Variants in CASP1 observed in about 807,000 individuals in gnomAD.
CASP1 encodes caspase-1.
In CASP1, 31 loss-of-function variants were observed where a neutral mutation model predicts 41.2. The observed-to-expected ratio is 0.75, with a 90% confidence interval of 0.57 to 1.02. The LOEUF (loss-of-function observed/expected upper bound fraction) is 1.02. CASP1 is among the 50% of genes least tolerant of loss of function. The pLI is 0.00. For missense variants in CASP1, 490 were observed against 495.7 expected, an observed-to-expected ratio of 0.99 and a Z score of 0.11; for synonymous variants, 163 against 166.5, an observed-to-expected ratio of 0.98 and a Z score of 0.16.
At chr11:105,027,202 T>C (rs1863362286) in intron 7 of CASP1, 1 of 609,152 alleles carries the variant, frequency 1.6e-6, no homozygotes, top group Non-Finnish European at 2.9e-6. Flanking sequence ...TAGACTCAGC[T>C]AGCTATACAG....
Position 105,026,101 on chromosome 11 carries a change from G to C in CASP1, c.*157C>G. ...GGCGCTCACACAGTGTTGGATTTTA[G>C]AGCATTTCAAAATTCAAATTTTTGG... On this transcript the variant is annotated 3_prime_UTR_variant, in exon 9 of 9. Transcript: ENST00000533400. 3.7e-6 allele frequency: 2 copies of C among 544,158 alleles called. No individual in the cohort carries two copies. The highest frequency in any genetic ancestry group is 3.2e-5 in the Admixed American group (1 of 31,290). 33.7% of individuals were successfully genotyped at this position (544,158 alleles called of 1,614,324 possible). A position where few individuals can be genotyped will look rare whatever the true frequency, so the allele number is the denominator to read the frequency against.
At chr11:105,026,589 T>C in intron 8 of CASP1, 1 of 601,136 alleles carries the variant, frequency 1.7e-6, no homozygotes. Flanking sequence ...CACAGGTAAA[T>C]TAGAGTCCAT....
In CASP1 at chr11:105,025,940, T is replaced by C. The variant is rs1210854061; in HGVS notation, c.*318A>G. ...TTGATTATCCCTTATCCAAAATGCA[T>C]GCTACCAGAAGTATTTCAAATTTCA... is the stretch of plus-strand genomic sequence containing the variant. On this transcript the variant is annotated 3_prime_UTR_variant, in exon 9 of 9. Coordinates refer to ENST00000533400, the MANE Select transcript of CASP1 (RefSeq NM_001257118.3). 1 of 244,628 alleles carries C rather than the reference T, an allele frequency of 4.1e-6. No individual in the cohort carries two copies. Among genetic ancestry groups the C allele is most frequent in the Non-Finnish European group, 8.0e-6 (1 of 125,214 alleles). The allele number at this position is 244,628 out of a possible 1,614,324, so 15.2% of individuals were successfully genotyped here.
chr11:105,029,546 C>T lies in CASP1; in HGVS notation c.862+119G>A. ...TTCACAGAAGCTGCATTCTTGAATA[C>T]TGACAGTATGTGTTCTTTGACATTA... On this transcript the variant is annotated intron_variant, in intron 6 of 8. Coordinates refer to ENST00000533400, the MANE Select transcript of CASP1 (RefSeq NM_001257118.3). 3 of 702,710 alleles carry T rather than the reference C, an allele frequency of 4.3e-6. No homozygotes were observed. In the South Asian group the frequency reaches 5.5e-5, roughly 13 times the overall value. The allele number at this position is 702,710 out of a possible 1,614,324, so 43.5% of individuals were successfully genotyped here. A position where few individuals can be genotyped will look rare whatever the true frequency, so the allele number is the denominator to read the frequency against.
chr11:105,033,397 C>A (rs1863816150), intron 2 of CASP1, among the ~76,000 whole-genome samples: 1 of 152,210 alleles, frequency 6.6e-6, no homozygotes, highest in African/African-American at 2.4e-5. Context: ...TTCCCTAACC[C>A]TTAGAACAGA....
chr11:105,033,237 G>A (rs1435193852), intron 2 of CASP1, 111 bp from the exon 3 acceptor site: 1 of 614,830 alleles, frequency 1.6e-6, no homozygotes. Flanking sequence ...CTGACTGACT[G>A]ACTGACATTA....
chr11:105,035,332 G>A, upstream of CASP1: 3 of 592,352 alleles, frequency 5.1e-6, no homozygotes, highest in Non-Finnish European at 9.0e-6. Flanking sequence ...GGGTAGGAGG[G>A]GAATGGGGCT....
intron 1 of CASP1, 37 bp downstream of exon 1, chr11:105,035,070 T>A: frequency 6.2e-7 from 1 of 1,612,338 alleles, no homozygotes; most frequent in South Asian, 1.1e-5. Context: ...AACTCTTTCT[T>A]CCCAGGGACC....
upstream of CASP1, chr11:105,035,375 T>TAC: frequency 2.0e-6 from 1 of 493,096 alleles, no homozygotes; most frequent in Non-Finnish European, 3.7e-6. Context: ...AAAGTATGTG[T>TAC]ACAATTAAAT....
rs368142393 is a variant in CASP1, at chr11:105,029,106, T to G, written c.1006+18A>C. On this transcript the variant is annotated intron_variant, in intron 7 of 8. Transcript: ENST00000533400. ...ATTGATAGCCCCAACAAAGATGTCCTGTGTAGAAACCTGTTACCTGGTGTG... is the reference window on the plus strand; with the variant it reads ...ATTGATAGCCCCAACAAAGATGTCCGGTGTAGAAACCTGTTACCTGGTGTG... 8.7e-6 allele frequency: 14 copies of G among 1,608,700 alleles called. No homozygotes were observed. In the South Asian group the frequency reaches 1.4e-4, roughly 17 times the overall value.
At chr11:105,029,361 G>T (rs570500675) in intron 6 of CASP1, 94 bp from the exon 7 acceptor site, 2 of 1,055,470 alleles carry the variant, frequency 1.9e-6, no homozygotes, top group Non-Finnish European at 1.4e-6. Context: ...TAATGTGTTT[G>T]CTCTATCATT....
chr11:105,026,759 C>T, intron 8 of CASP1, 83 bp downstream of exon 8: 3 of 793,190 alleles, frequency 3.8e-6, no homozygotes, highest in Non-Finnish European at 6.7e-6. Flanking sequence ...ATAAACTTGT[C>T]TGGATCTGCT....
At chr11:105,033,383 A>T (rs1863815397) in intron 2 of CASP1, among the ~76,000 whole-genome samples, 1 of 152,222 alleles carries the variant, frequency 6.6e-6, no homozygotes, top group Non-Finnish European at 1.5e-5. Flanking sequence ...GACAGGCATA[A>T]GCTTTCCCTA....
chr11:105,035,080 C>G, intron 1 of CASP1, 27 bp downstream of exon 1: 1 of 1,612,712 alleles, frequency 6.2e-7, no homozygotes, highest in South Asian at 1.1e-5. Context: ...TCCCAGGGAC[C>G]TGTTCTTGGA....
rs1188537837 is a variant in CASP1 at position 105,026,214 on chromosome 11, A to G, written c.*44T>C. 5.5e-6 allele frequency: 7 copies of G among 1,273,824 alleles called. No homozygotes were observed. In the Admixed American group the frequency reaches 1.2e-4, roughly 22 times the overall value. 78.9% of individuals were successfully genotyped at this position (1,273,824 alleles called of 1,614,324 possible). The stretch of plus-strand genomic sequence containing the variant: ...CCTCAACCTTCCCACACTCCCGACC[A>G]TACACATGTACCTGCCCACAGACAT... On this transcript the variant is annotated 3_prime_UTR_variant, in exon 9 of 9. Coordinates refer to ENST00000533400, the MANE Select transcript of CASP1 (RefSeq NM_001257118.3).
chr11:105,026,505 A>G lies in CASP1; in HGVS notation c.1117-149T>C, dbSNP rs183917571. 2.8e-5 allele frequency: 17 copies of G among 617,712 alleles called. No individual in the cohort carries two copies. In the East Asian group the frequency reaches 4.4e-4, roughly 16 times the overall value. The allele number at this position is 617,712 out of a possible 1,614,324, so 38.3% of individuals were successfully genotyped here. A position where few individuals can be genotyped will look rare whatever the true frequency, so the allele number is the denominator to read the frequency against. On this transcript the variant is annotated intron_variant, in intron 8 of 8. Transcript: ENST00000533400. ...TTCCATCTGCAACAAGTATAACCAT[A>G]TATGTATGTAAGCATTGAATGACCC...
At chr11:105,035,771 A>G (rs1421670999), upstream of CASP1, among the ~76,000 whole-genome samples, 2 of 151,874 alleles carry the variant, frequency 1.3e-5, no homozygotes, top group Middle Eastern at 3.2e-3. Context: ...ACATGCCACC[A>G]TGGCCAGCTA....
At chr11:105,030,190 G>A (rs957625144) in intron 5 of CASP1, 140 bp downstream of exon 5, 12 of 715,362 alleles carry the variant, frequency 1.7e-5, no homozygotes, top group Admixed American at 8.1e-5. Context: ...GGACCATGTA[G>A]TATCCAGCAC....
chr11:105,027,518 T>A (rs967784263), intron 7 of CASP1, among the ~76,000 whole-genome samples: 8 of 151,992 alleles, frequency 5.3e-5, no homozygotes, highest in South Asian at 2.1e-4. Flanking sequence ...AAGAAAAATA[T>A]TAATTTATTA....
Sources: gnomAD v4.1 joint callset for allele counts (sites outside exome capture counted in the v4.1 genomes callset) on GRCh38, gnomAD v4.1.1 for gene constraint, MANE v1.5 for transcripts, NCBI Gene and HGNC (gene_info 2026-07-23, HGNC 2026-07-21) for gene names.